SREBF2: variants seen among roughly 807,000 people sequenced by gnomAD.
SREBF2 encodes sterol regulatory element-binding protein 2.
SREBF2 carries 55 observed loss-of-function variants against 113.1 expected under a neutral mutation model. The ratio of observed to expected loss-of-function variants is 0.49; its 90% CI spans 0.39 to 0.61. SREBF2 has a LOEUF of 0.61. SREBF2 is among the 20% of genes least tolerant of loss of function. SREBF2 has a pLI of 0.00. For synonymous variants in SREBF2, 593 were observed against 605.7 expected (o/e 0.98, Z 0.31); for missense variants, 1,349 against 1,487.4 (o/e 0.91, Z 1.53).
intron 1 of SREBF2, among the ~76,000 whole-genome samples, chr22:41,866,199 C>T (rs1569387438): frequency 1.3e-5 from 2 of 152,140 alleles, no homozygotes; most frequent in African/African-American, 2.4e-5. Context: ...TTGGTACCTT[C>T]GACAGAACAG....
At chr22:41,887,615 T>C (rs571238973) in intron 11 of SREBF2, among the ~76,000 whole-genome samples, 1 of 152,380 alleles carries the variant, frequency 6.6e-6, no homozygotes, top group Non-Finnish European at 1.5e-5. Flanking sequence ...GACTAGATTA[T>C]TGCAGATGAA....
Position 41,904,950 on chromosome 22 carries a change from C to T in SREBF2, c.3181C>T (p.Arg1061Cys), listed in dbSNP as rs1347233215. Residue 1061 changes from arginine to cysteine, a missense_variant, in exon 18 of 19, where the codon CGC (arginine) becomes TGC (cysteine). This residue lies in a region of SREBF2 where 650 missense variants were observed against 644.1 expected (regional missense o/e 1.01). Coordinates refer to ENST00000361204, the MANE Select transcript of SREBF2 (RefSeq NM_004599.4). ...GCTGCTGGAACACAGCCTGCGGCGG[C>T]GCACCACGCAGAGCACCAAGCACGG... ...HQLLEHSLRR[R>C]TTQSTKHGEV... 4 of 1,599,738 alleles carry T rather than the reference C, an allele frequency of 2.5e-6. No individual in the cohort carries two copies. The highest frequency in any genetic ancestry group is 1.7e-5 in the Admixed American group (1 of 59,074).
rs750987960 is a variant in SREBF2, at chr22:41,884,861, C to T, written c.2058C>T (p.Ser686=). Residue 686 remains serine, a synonymous_variant, in exon 11 of 19, where the codon TCC becomes TCT. Coordinates refer to ENST00000361204, the MANE Select transcript of SREBF2 (RefSeq NM_004599.4). The part of the protein sequence containing the change: ...LHITGKLPAG[S]ACSDVHMALC... ...CCCTAGGGAAGCTTCCTGCAGGATC[C>T]GCCTGTTCCGATGTACACATGGCGT... 24 of 1,614,072 alleles carry T rather than the reference C, an allele frequency of 1.5e-5. No individual in the cohort carries two copies. The highest frequency in any genetic ancestry group is 5.3e-5 in the African/African-American group (4 of 74,906).
At chr22:41,870,151 G>T (rs1296180869) in intron 3 of SREBF2, among the ~76,000 whole-genome samples, 3 of 152,102 alleles carry the variant, frequency 2.0e-5, no homozygotes, top group African/African-American at 7.2e-5. Flanking sequence ...ACCACATCTG[G>T]CCTATATTTT....
rs545773701 is a variant in SREBF2 at position 41,884,971 on chromosome 22, G to T, written c.2168G>T (p.Gly723Val). 3.0e-5 allele frequency: 48 copies of T among 1,614,064 alleles called. No individual in the cohort carries two copies. Among genetic ancestry groups the T allele is most frequent in the Non-Finnish European group, 3.4e-5 (40 of 1,180,050 alleles). Residue 723 changes from glycine (G) to valine (V), a missense_variant, in exon 11 of 19, where the codon GGG becomes GTG. Coordinates refer to ENST00000361204, the MANE Select transcript of SREBF2 (RefSeq NM_004599.4). ...LVEIHLTAAMGLKTRCGGKLG... is the reference protein window; with the variant it reads ...LVEIHLTAAMVLKTRCGGKLG... ...GAGATCCATCTGACTGCTGCCATGG[G>T]GCTCAAGACCCGGTGTGGAGGCAAG...
At chr22:41,859,433 G>T (rs545293972) in intron 1 of SREBF2, among the ~76,000 whole-genome samples, 14 of 152,192 alleles carry the variant, frequency 9.2e-5, no homozygotes, top group Non-Finnish European at 1.8e-4. Context: ...TGCACATTTT[G>T]TGCATTCCTG....
chr22:41,888,716 A>G (rs1388630680), intron 11 of SREBF2, among the ~76,000 whole-genome samples: 1 of 152,254 alleles, frequency 6.6e-6, no homozygotes, highest in East Asian at 1.9e-4. Context: ...ATGCACCTCC[A>G]TAAGAGTTTC....
intron 1 of SREBF2, among the ~76,000 whole-genome samples, chr22:41,851,683 G>T (rs1364439123): frequency 6.6e-6 from 1 of 151,782 alleles, no homozygotes; most frequent in Non-Finnish European, 1.5e-5. Flanking sequence ...TAAGTAGAGA[G>T]AGGGTTTCAC....
intron 1 of SREBF2, among the ~76,000 whole-genome samples, chr22:41,845,671 A>G (rs1394517895): frequency 6.6e-6 from 1 of 152,212 alleles, no homozygotes; most frequent in Non-Finnish European, 1.5e-5. Context: ...AAATCTTCAC[A>G]AGGACTTTGG....
rs556716274 is a variant in SREBF2, at chr22:41,884,775, G to C, written c.2039-67G>C. On this transcript the variant is annotated intron_variant, in intron 10 of 18. Transcript: ENST00000361204. ...TTCCTCTCTTACTTTGATCGTGCTGGAGAGAGCAGGAAAAAGTTTGGTTTT... is the reference window on the plus strand; with the variant it reads ...TTCCTCTCTTACTTTGATCGTGCTGCAGAGAGCAGGAAAAAGTTTGGTTTT... The C allele has an allele frequency of 2.0e-5, 31 of 1,560,654 alleles. No individual in the cohort carries two copies. In the South Asian group the frequency reaches 3.5e-4, roughly 17 times the overall value.
At chr22:41,844,033 T>TACACAC (rs71311415) in intron 1 of SREBF2, among the ~76,000 whole-genome samples, 11,283 of 123,010 alleles carry the variant, frequency 0.092, 862 homozygotes, top group Admixed American at 0.26. Context: ...AAAAAATACA[T>TACACAC]ACACACACAC....
intron 11 of SREBF2, among the ~76,000 whole-genome samples, chr22:41,886,540 G>GCAGAAAAAT (rs2077300747): frequency 6.6e-6 from 1 of 151,908 alleles, no homozygotes; most frequent in South Asian, 2.1e-4. Context: ...TTTAACTTAC[G>GCAGAAAAAT]GCTTGAAGTG....
At chr22:41,878,794 C>CT in intron 9 of SREBF2, 2 of 1,227,820 alleles carry the variant, frequency 1.6e-6, no homozygotes, top group Non-Finnish European at 2.2e-6. Context: ...CCTCTGCAAG[C>CT]TGCAGGGCCA....
At chr22:41,860,283 C>T (rs1207337155) in intron 1 of SREBF2, among the ~76,000 whole-genome samples, 13 of 147,122 alleles carry the variant, frequency 8.8e-5, no homozygotes, top group South Asian at 8.7e-4. Flanking sequence ...CAAAAATGGA[C>T]GAAGGTCAAG....
intron 18 of SREBF2, 77 bp downstream of exon 18, chr22:41,905,051 C>T: frequency 7.7e-7 from 1 of 1,302,230 alleles, no homozygotes; most frequent in Non-Finnish European, 1.1e-6. Flanking sequence ...GGGGCCAGCC[C>T]AGCTCCCACA....
In SREBF2 at chr22:41,905,712, C is replaced by T. The variant is rs765568769; in HGVS notation, c.*52C>T. The T allele has an allele frequency of 5.3e-5, 80 of 1,516,712 alleles. No individual in the cohort carries two copies. The highest frequency in any genetic ancestry group is 1.6e-4 in the Admixed American group (8 of 50,982). The allele number at this position is 1,516,712 out of a possible 1,614,324, so 94.0% of individuals were successfully genotyped here. A position where few individuals can be genotyped will look rare whatever the true frequency, so the allele number is the denominator to read the frequency against. On this transcript the variant is annotated 3_prime_UTR_variant, in exon 19 of 19. Transcript: ENST00000361204. ...CTCTCTCTCGATTTCTCTCTCTCCC[C>T]CTCAGCATCTTCCCGCTGAGAGTGG...
chr22:41,840,870 A>G (rs866493337), intron 1 of SREBF2, among the ~76,000 whole-genome samples: 1 of 152,168 alleles, frequency 6.6e-6, no homozygotes, highest in South Asian at 2.1e-4. Context: ...TCCCCCTGCC[A>G]TCAGCCTCCT....
At position 41,905,887 on chromosome 22, in the gene SREBF2, C is replaced by T. The variant is rs953809325; in HGVS notation, c.*227C>T. ...GGGCGTGAGAGGATAGGTGGCAGGG[C>T]AGAAACTGGGCAGCCCTGACTTGAT... On this transcript the variant is annotated 3_prime_UTR_variant, in exon 19 of 19. Coordinates refer to ENST00000361204, the MANE Select transcript of SREBF2 (RefSeq NM_004599.4). The T allele has an allele frequency of 2.3e-5, 16 of 695,528 alleles. No individual in the cohort carries two copies. In the African/African-American group the frequency reaches 2.6e-4, roughly 11 times the overall value. The allele number at this position is 695,528 out of a possible 1,614,324, so 43.1% of individuals were successfully genotyped here. A position where few individuals can be genotyped will look rare whatever the true frequency, so the allele number is the denominator to read the frequency against.
chr22:41,905,260 A>G (rs992166781), intron 18 of SREBF2, among the ~76,000 whole-genome samples, 180 bp from the exon 19 acceptor site: 17 of 152,212 alleles, frequency 1.1e-4, no homozygotes, highest in African/African-American at 4.1e-4. Context: ...TCTCAGCCCC[A>G]CCACGGGCTG....
Sources: allele counts gnomAD v4.1 joint callset (sites outside exome capture counted in the v4.1 genomes callset), GRCh38; gene constraint gnomAD v4.1.1; regional missense constraint gnomAD v4.1.1; transcripts MANE v1.5; gene names NCBI Gene and HGNC (gene_info 2026-07-23, HGNC 2026-07-21).